The following ABCA13 variants were observed in gnomAD, a reference collection of about 807,000 sequenced individuals.
The protein encoded by ABCA13 is ATP-binding cassette sub-family A member 13.
Under a neutral mutation model 478.7 loss-of-function variants are expected in ABCA13, and 476 were observed. The observed-to-expected ratio is 0.99, with a 90% CI of 0.92 to 1.07. The LOEUF is 1.07. ABCA13 is among the 50% of genes least tolerant of loss of function. The pLI is 0.00. For synonymous variants in ABCA13, 2,252 were observed against 2,158.9 expected, an observed-to-expected ratio of 1.04 and a Z score of -1.20; for missense variants, 6,060 against 5,910.6, an observed-to-expected ratio of 1.03 and a Z score of -0.83.
rs2129027414 is a variant in ABCA13 at position 48,372,261 on chromosome 7, G to A, written c.10897G>A (p.Ala3633Thr). ...AVLTISSATL[A>T]IVLKTSGIFA... is the part of the protein sequence containing the mutation. ...GTTGACCATAAGCAGTGCTACTCTG[G>A]CCATCGTTCTGAAAACAAGTGGCAT... The change falls in exon 33 of 62, where the codon GCC (alanine) becomes ACC (threonine). Residue 3633 changes from alanine (A) to threonine (T), a missense_variant. Transcript: ENST00000435803. 1 of 1,613,936 alleles carries A rather than the reference G, an allele frequency of 6.2e-7. No individual in the cohort carries two copies. Among genetic ancestry groups the A allele is most frequent in the South Asian group, 1.1e-5 (1 of 91,082 alleles).
At chr7:48,469,128 A>G (rs918797042) in intron 44 of ABCA13, among the ~76,000 whole-genome samples, 1 of 152,236 alleles carries the variant, frequency 6.6e-6, no homozygotes. Context: ...GTCATAGCAA[A>G]TCTTATATTT....
chr7:48,334,429 G>A (rs1805901069), intron 27 of ABCA13, among the ~76,000 whole-genome samples: 1 of 151,932 alleles, frequency 6.6e-6, no homozygotes, highest in South Asian at 2.1e-4. Flanking sequence ...CCACCTCCCG[G>A]GTTCATGCCA....
In ABCA13 at chr7:48,279,452, A is replaced by G; in HGVS notation, c.8258A>G (p.Asp2753Gly). 6.2e-7 allele frequency: 1 copy of G among 1,608,738 alleles called. No homozygotes were observed. The highest frequency in any genetic ancestry group is 1.1e-5 in the South Asian group (1 of 90,308). The change falls in exon 18 of 62, where the codon GAT becomes GGT. Residue 2753 changes from aspartate to glycine, a missense_variant. Transcript: ENST00000435803. ...LEALWKNLKK[D>G]NWNVSNVLMT... The stretch of plus-strand genomic sequence containing the variant: ...GCTCTTTGGAAAAACTTAAAGAAAG[A>G]TAATTGGAATGTTTCTAATGTGTTG...
intron 55 of ABCA13, among the ~76,000 whole-genome samples, chr7:48,543,338 G>A (rs1247405938): frequency 1.3e-5 from 2 of 151,574 alleles, no homozygotes; most frequent in Non-Finnish European, 3.0e-5. Flanking sequence ...AATACAAATA[G>A]GCTAGCTGGG....
At chr7:48,308,779 C>CA (rs1385528824) in intron 23 of ABCA13, among the ~76,000 whole-genome samples, 3 of 151,520 alleles carry the variant, frequency 2.0e-5, no homozygotes, top group African/African-American at 7.3e-5. Context: ...TTTTACTGTA[C>CA]CTTTTCTATG....
intron 55 of ABCA13, among the ~76,000 whole-genome samples, chr7:48,534,806 C>A (rs1833460012): frequency 6.6e-6 from 1 of 152,154 alleles, no homozygotes; most frequent in Non-Finnish European, 1.5e-5. Flanking sequence ...ATTGCTGAGA[C>A]TTTCCAGTGC....
chr7:48,230,086 T>C (rs1788825492), intron 7 of ABCA13, 131 bp downstream of exon 7: 1 of 1,141,826 alleles, frequency 8.8e-7, no homozygotes. Context: ...AAGTATGAAT[T>C]GTTTCTGTTA....
At chr7:48,300,539 G>A (rs1017813463) in intron 23 of ABCA13, among the ~76,000 whole-genome samples, 5 of 152,206 alleles carry the variant, frequency 3.3e-5, no homozygotes, top group African/African-American at 9.6e-5. Context: ...GAAGATGGAT[G>A]TCAGACTGGA....
At chr7:48,408,415 G>T (rs1195230906) in intron 39 of ABCA13, among the ~76,000 whole-genome samples, 1 of 152,176 alleles carries the variant, frequency 6.6e-6, no homozygotes, top group Non-Finnish European at 1.5e-5. Flanking sequence ...CTAGATCAGG[G>T]ATTAAGCAAA....
chr7:48,412,728 G>A, intron 41 of ABCA13, 145 bp downstream of exon 41: 3 of 569,288 alleles, frequency 5.3e-6, no homozygotes, highest in Non-Finnish European at 8.3e-6. Flanking sequence ...CTGATTGGTA[G>A]CATACTAGAT....
intron 48 of ABCA13, among the ~76,000 whole-genome samples, chr7:48,490,181 A>T (rs146769969): frequency 6.6e-6 from 1 of 152,310 alleles, no homozygotes; most frequent in African/African-American, 2.4e-5. Context: ...TGGAATGCTA[A>T]TAGGTAATGT....
rs372450759 is a variant in ABCA13, at chr7:48,344,031, G to A, written c.10204+5576G>A. 1.1e-4 allele frequency among the ~76,000 whole-genome samples: 17 copies of A among 152,254 alleles called. No homozygotes were observed. The South Asian group carries it at 3.3e-3, about 30-fold the overall frequency. The stretch of plus-strand genomic sequence containing the variant: ...TTTGAGTTCTCTCTTTCATGTTGAA[G>A]GGTTCACTTAAATGTTTGGTGATAT... On this transcript the variant is annotated intron_variant, in intron 29 of 61. Transcript: ENST00000435803.
At chr7:48,189,290 A>G (rs1025746667) in intron 1 of ABCA13, among the ~76,000 whole-genome samples, 2 of 152,190 alleles carry the variant, frequency 1.3e-5, no homozygotes, top group Non-Finnish European at 2.9e-5. Flanking sequence ...AAGAAGAAAA[A>G]CGTGATTAAA....
At chr7:48,177,830 A>G (rs957198140) in intron 1 of ABCA13, among the ~76,000 whole-genome samples, 1 of 152,218 alleles carries the variant, frequency 6.6e-6, no homozygotes, top group Non-Finnish European at 1.5e-5. Flanking sequence ...TTGTCATTAA[A>G]TCGGGAGCCT....
intron 48 of ABCA13, among the ~76,000 whole-genome samples, chr7:48,498,848 T>A (rs1465166262): frequency 2.0e-5 from 3 of 152,208 alleles, no homozygotes; most frequent in African/African-American, 7.2e-5. Context: ...GAAAAGAACT[T>A]GGGTGAGCAC....
At chr7:48,434,159 T>C (rs1585304514) in intron 42 of ABCA13, among the ~76,000 whole-genome samples, 1 of 151,988 alleles carries the variant, frequency 6.6e-6, no homozygotes, top group Non-Finnish European at 1.5e-5. Flanking sequence ...AGTTCCTCCA[T>C]ATCTTCACCA....
At chr7:48,201,972 T>TAC in intron 3 of ABCA13, among the ~76,000 whole-genome samples, 1 of 152,178 alleles carries the variant, frequency 6.6e-6, no homozygotes, top group South Asian at 2.1e-4. Flanking sequence ...CGGTGAGTGT[T>TAC]ACAGCTCTTA....
intron 38 of ABCA13, among the ~76,000 whole-genome samples, chr7:48,394,191 A>G (rs1395525610): frequency 1.3e-5 from 2 of 152,204 alleles, no homozygotes; most frequent in Admixed American, 1.3e-4. Flanking sequence ...TGTAATTTAC[A>G]TTCTTGTGCC....
At chr7:48,580,504 A>G in intron 56 of ABCA13, 130 bp downstream of exon 56, 1 of 779,274 alleles carries the variant, frequency 1.3e-6, no homozygotes, top group South Asian at 2.2e-5. Context: ...CTTACCTGCA[A>G]GAGATTTTCT....
Sources: gnomAD v4.1 joint callset for allele counts (sites outside exome capture counted in the v4.1 genomes callset) on GRCh38, gnomAD v4.1.1 for gene constraint, MANE v1.5 for transcripts, NCBI Gene and HGNC (gene_info 2026-07-23, HGNC 2026-07-21) for gene names.